The following NT5DC1 variants were observed in gnomAD, a reference collection of about 807,000 sequenced individuals.
NT5DC1 encodes 5'-nucleotidase domain containing 1.
In NT5DC1, 42 loss-of-function variants were observed where a neutral mutation model predicts 59.4. The observed-to-expected ratio is 0.71, with a 90% CI of 0.55 to 0.92. The LOEUF (loss-of-function observed/expected upper bound fraction) is 0.92, where lower values mean the gene tolerates loss of function less well. NT5DC1 is among the 40% of genes least tolerant of loss of function. The pLI, the probability that NT5DC1 is intolerant of heterozygous loss-of-function variation, is 0.00. For missense variants in NT5DC1, 501 were observed against 537.1 expected (o/e 0.93, Z 0.66); for synonymous variants, 172 against 188.1 (o/e 0.91, Z 0.70).
chr6:116,161,347 TAAA>T (rs1358574976), intron 6 of NT5DC1, among the ~76,000 whole-genome samples: 1 of 150,932 alleles, frequency 6.6e-6, no homozygotes, highest in African/African-American at 2.4e-5. Flanking sequence ...ATAATAATAA[TAAA>T]AAATAATAAT....
In NT5DC1 at chr6:116,249,370, G is replaced by T. The variant is rs1026121981; in HGVS notation, c.*5346G>T. 6.6e-6 allele frequency: 1 copy of T among 152,164 alleles called. No homozygotes were observed. The highest frequency in any genetic ancestry group is 2.4e-5 in the African/African-American group (1 of 41,444). 9.4% of individuals were successfully genotyped at this position (152,164 alleles called of 1,614,324 possible). The stretch of plus-strand genomic sequence containing the variant: ...AAATACTTAGCAATTCATTTTCATA[G>T]ATTTTGTAGCATCCACAAAGCCCTC... On this transcript the variant is annotated 3_prime_UTR_variant, in exon 12 of 12. Coordinates refer to ENST00000319550, the MANE Select transcript of NT5DC1 (RefSeq NM_152729.3).
chr6:116,126,046 C>T lies in NT5DC1; in HGVS notation c.529+8101C>T, dbSNP rs768097903. 2.6e-4 allele frequency: 40 copies of T among 155,748 alleles called. 1 individual carries two copies. The highest frequency in any genetic ancestry group is 2.1e-3 in the Admixed American group (33 of 15,596). 9.6% of individuals were successfully genotyped at this position (155,748 alleles called of 1,614,324 possible). ...ACATGGAAGTCCACCAGTAAGCGTA[C>T]GCTTACCTGCGTGCTGGGAGTTCCT... On this transcript the variant is annotated intron_variant, in intron 6 of 11. Coordinates refer to ENST00000319550, the MANE Select transcript of NT5DC1 (RefSeq NM_152729.3).
rs1050069060 is a variant in NT5DC1 at position 116,166,449 on chromosome 6, A to G, written c.529+48504A>G. On this transcript the variant is annotated intron_variant, in intron 6 of 11. Coordinates refer to ENST00000319550, the MANE Select transcript of NT5DC1 (RefSeq NM_152729.3). ...TCAACAAAGGTGCTAAGAAATCACAATGGAAGAAGGATTTTGTCTTCTGTA... is the reference window on the plus strand; with the variant it reads ...TCAACAAAGGTGCTAAGAAATCACAGTGGAAGAAGGATTTTGTCTTCTGTA... Among the ~76,000 whole-genome samples, 3 of 152,202 alleles carry G rather than the reference A, an allele frequency of 2.0e-5. No homozygotes were observed. In the East Asian group the frequency reaches 5.8e-4, roughly 29 times the overall value.
chr6:116,246,592 T>C lies in NT5DC1; in HGVS notation c.*2568T>C, dbSNP rs1771853772. 1.3e-5 allele frequency: 2 copies of C among 152,044 alleles called. No homozygotes were observed. The highest frequency in any genetic ancestry group is 4.8e-5 in the African/African-American group (2 of 41,420). 9.4% of individuals were successfully genotyped at this position (152,044 alleles called of 1,614,324 possible). On this transcript the variant is annotated 3_prime_UTR_variant, in exon 12 of 12. Transcript: ENST00000319550. Reference sequence around the variant, plus strand: ...AATCAAACTGCCTCTCTAGATATAATAACCTTCACTGACTGTTGGAAATAC... The same window carrying C: ...AATCAAACTGCCTCTCTAGATATAACAACCTTCACTGACTGTTGGAAATAC...
At chr6:116,124,637 C>T (rs574326916) in intron 6 of NT5DC1, among the ~76,000 whole-genome samples, 2 of 152,164 alleles carry the variant, frequency 1.3e-5, no homozygotes, top group African/African-American at 2.4e-5. Flanking sequence ...ATTTAAACTT[C>T]GCAGCAGCCC....
chr6:116,115,008 A>G (rs1303144937), intron 4 of NT5DC1, among the ~76,000 whole-genome samples: 3 of 152,220 alleles, frequency 2.0e-5, no homozygotes, highest in Admixed American at 1.3e-4. Flanking sequence ...GACATGGGTC[A>G]TCAAAAGTGT....
intron 8 of NT5DC1, among the ~76,000 whole-genome samples, chr6:116,232,718 G>GT (rs1437024647): frequency 6.6e-6 from 1 of 152,028 alleles, no homozygotes; most frequent in Non-Finnish European, 1.5e-5. Context: ...AGCCTTGACT[G>GT]TATCATTGTC....
rs1402165810 is a variant in NT5DC1 at position 116,245,574 on chromosome 6, A to G, written c.*1550A>G. ...ACTTGAAATTTATGTCCAGAATGTC[A>G]CTGGAATATTACAATGAGCATAAAT... On this transcript the variant is annotated 3_prime_UTR_variant, in exon 12 of 12. Coordinates refer to ENST00000319550, the MANE Select transcript of NT5DC1 (RefSeq NM_152729.3). 3 of 152,398 alleles carry G rather than the reference A, an allele frequency of 2.0e-5. No individual in the cohort carries two copies. The highest frequency in any genetic ancestry group is 7.2e-5 in the African/African-American group (3 of 41,442). 9.4% of individuals were successfully genotyped at this position (152,398 alleles called of 1,614,324 possible). A position where few individuals can be genotyped will look rare whatever the true frequency, so the allele number is the denominator to read the frequency against.
intron 4 of NT5DC1, among the ~76,000 whole-genome samples, chr6:116,113,047 C>T (rs557504851): frequency 3.3e-5 from 5 of 152,308 alleles, no homozygotes; most frequent in South Asian, 2.1e-4. Flanking sequence ...AACAGTGTTC[C>T]TTGCCAGCTG....
At chr6:116,230,712 A>G (rs1252547322) in intron 8 of NT5DC1, among the ~76,000 whole-genome samples, 1 of 152,104 alleles carries the variant, frequency 6.6e-6, no homozygotes, top group African/African-American at 2.4e-5. Context: ...CCTTTGCGAT[A>G]CCTTCCTTCT....
At chr6:116,112,941 C>T (rs1468360964) in intron 4 of NT5DC1, among the ~76,000 whole-genome samples, 1 of 152,162 alleles carries the variant, frequency 6.6e-6, no homozygotes. Flanking sequence ...CATGCCCTAT[C>T]AGTACATTTA....
intron 6 of NT5DC1, among the ~76,000 whole-genome samples, chr6:116,135,834 G>GATATATATATATATAT (rs199827970): frequency 2.0e-5 from 2 of 102,358 alleles, no homozygotes; most frequent in Non-Finnish European, 4.0e-5. Context: ...TATATTTTCA[G>GATATATATATATATAT]ATATATATAT....
At chr6:116,150,164 G>T (rs1780002186) in intron 6 of NT5DC1, among the ~76,000 whole-genome samples, 1 of 152,212 alleles carries the variant, frequency 6.6e-6, no homozygotes, top group African/African-American at 2.4e-5. Context: ...TTTTACAGAA[G>T]AGTGACCAAT....
intron 8 of NT5DC1, among the ~76,000 whole-genome samples, chr6:116,232,916 T>C (rs1301776799): frequency 6.6e-6 from 1 of 152,228 alleles, no homozygotes; most frequent in East Asian, 1.9e-4. Context: ...AATTGATGGC[T>C]CCTCCATCTC....
chr6:116,114,034 G>A (rs1389874931), intron 4 of NT5DC1, among the ~76,000 whole-genome samples: 1 of 152,152 alleles, frequency 6.6e-6, no homozygotes, highest in Non-Finnish European at 1.5e-5. Context: ...AAAAGCACAT[G>A]GCATATCATC....
In NT5DC1 at chr6:116,238,240, T is replaced by C. The variant is rs748059416; in HGVS notation, c.975T>C (p.Tyr325=). The C allele has an allele frequency of 2.5e-6, 4 of 1,612,378 alleles. No homozygotes were observed. The East Asian group carries it at 8.9e-5, about 36-fold the overall frequency. The change falls in exon 10 of 12, where the codon TAT becomes TAC. Residue 325 remains tyrosine (Y), a synonymous_variant. Coordinates refer to ENST00000319550, the MANE Select transcript of NT5DC1 (RefSeq NM_152729.3). The part of the protein sequence containing the change: ...MHSDIFPARH[Y]SNWETVLILE... ...CAGATATTTTCCCAGCTCGTCACTA[T>C]AGTAATTGGGAGACAGTCCTCATCC...
intron 6 of NT5DC1, among the ~76,000 whole-genome samples, chr6:116,178,086 T>TGTGTGTGTGC (rs1780783478): frequency 1.3e-5 from 1 of 77,552 alleles, no homozygotes; most frequent in African/African-American, 5.9e-5. Context: ...TGTGTGTGTG[T>TGTGTGTGTGC]GTGCGCGCGC....
chr6:116,113,530 A>G (rs1246861306), intron 4 of NT5DC1, among the ~76,000 whole-genome samples: 1 of 152,178 alleles, frequency 6.6e-6, no homozygotes, highest in Non-Finnish European at 1.5e-5. Flanking sequence ...CATGTGGTGT[A>G]GTGTCAGAGT....
At chr6:116,202,252 G>T (rs192116474) in intron 6 of NT5DC1, among the ~76,000 whole-genome samples, 1 of 151,876 alleles carries the variant, frequency 6.6e-6, no homozygotes, top group Admixed American at 6.6e-5. Flanking sequence ...TATTCTTTTC[G>T]AGAAAACATT....
Sources: gnomAD v4.1 joint callset for allele counts (sites outside exome capture counted in the v4.1 genomes callset) on GRCh38, gnomAD v4.1.1 for gene constraint, MANE v1.5 for transcripts, NCBI Gene and HGNC (gene_info 2026-07-23, HGNC 2026-07-21) for gene names.